Variants in LUZP2 observed in about 807,000 individuals in gnomAD.
The protein encoded by LUZP2 is leucine zipper protein 2.
A neutral mutation model predicts 51.6 loss-of-function variants in LUZP2; 52 were observed. The ratio of observed to expected loss-of-function variants is 1.01; its 90% CI spans 0.81 to 1.27. The LOEUF is 1.27. LUZP2 is among the 50% of genes most tolerant of loss of function. The probability of loss-of-function intolerance (pLI) is 0.00; values close to 1 mark genes in which losing one functional copy is unlikely to be tolerated. For synonymous variants in LUZP2, 154 were observed against 137.3 expected, an observed-to-expected ratio of 1.12 and a Z score of -0.85; for missense variants, 436 against 395.4, an observed-to-expected ratio of 1.10 and a Z score of -0.87.
At chr11:24,695,507 G>T (rs997064868) in intron 1 of LUZP2, among the ~76,000 whole-genome samples, 3 of 151,930 alleles carry the variant, frequency 2.0e-5, no homozygotes, top group African/African-American at 2.4e-5. Flanking sequence ...TCTGAAATAC[G>T]CACTATAATA....
intron 7 of LUZP2, among the ~76,000 whole-genome samples, chr11:24,961,139 C>T (rs982739486): frequency 4.6e-5 from 7 of 152,056 alleles, no homozygotes; most frequent in Non-Finnish European, 8.8e-5. Context: ...TGTTCTTTTA[C>T]ATTTGCTGAG....
chr11:24,537,555 A>G (rs1009717653), intron 1 of LUZP2, among the ~76,000 whole-genome samples: 2 of 151,966 alleles, frequency 1.3e-5, no homozygotes, highest in African/African-American at 4.8e-5. Context: ...TAAAACACAT[A>G]TATATTCAAA....
chr11:24,857,209 C>G (rs1388743178), intron 5 of LUZP2, among the ~76,000 whole-genome samples: 1 of 150,454 alleles, frequency 6.6e-6, no homozygotes, highest in Non-Finnish European at 1.5e-5. Flanking sequence ...TTTTCATATT[C>G]CTTAATTGTT....
intron 5 of LUZP2, among the ~76,000 whole-genome samples, chr11:24,766,536 T>C (rs1235172806): frequency 6.6e-6 from 1 of 152,198 alleles, no homozygotes; most frequent in Non-Finnish European, 1.5e-5. Context: ...CTGGGTAAGA[T>C]GTGAATACAG....
chr11:24,694,191 C>T (rs923764114), intron 1 of LUZP2, among the ~76,000 whole-genome samples: 9 of 152,008 alleles, frequency 5.9e-5, no homozygotes, highest in African/African-American at 2.2e-4. Flanking sequence ...CTCCTACTTG[C>T]CTGTTGCTCA....
chr11:24,602,098 ATG>A (rs1491416569), intron 1 of LUZP2, among the ~76,000 whole-genome samples: 1 of 130,794 alleles, frequency 7.6e-6, no homozygotes, highest in Non-Finnish European at 1.6e-5. Flanking sequence ...ATATGTATAT[ATG>A]TGTATATGTG....
At chr11:24,946,826 G>C (rs1854914072) in intron 7 of LUZP2, among the ~76,000 whole-genome samples, 1 of 151,664 alleles carries the variant, frequency 6.6e-6, no homozygotes, top group Non-Finnish European at 1.5e-5. Flanking sequence ...CTCCAATTTA[G>C]CTATTTTTCA....
chr11:25,017,091 C>T (rs753806740), intron 9 of LUZP2, among the ~76,000 whole-genome samples: 4 of 152,154 alleles, frequency 2.6e-5, no homozygotes, highest in East Asian at 3.9e-4. Context: ...AGTATCTATT[C>T]ATGCCACTTG....
intron 9 of LUZP2, among the ~76,000 whole-genome samples, chr11:24,987,922 ACTC>A (rs1565195010): frequency 6.6e-6 from 1 of 151,830 alleles, no homozygotes; most frequent in Non-Finnish European, 1.5e-5. Context: ...GGGTGTCAAT[ACTC>A]CTGATTCTGA....
chr11:24,725,921 A>T (rs1376491072), intron 1 of LUZP2, among the ~76,000 whole-genome samples: 1 of 152,158 alleles, frequency 6.6e-6, no homozygotes, highest in Non-Finnish European at 1.5e-5. Context: ...GTGGAGAGAC[A>T]TAAGGAGAAG....
At chr11:24,647,809 AT>A (rs1251533342) in intron 1 of LUZP2, among the ~76,000 whole-genome samples, 2 of 151,874 alleles carry the variant, frequency 1.3e-5, no homozygotes, top group African/African-American at 4.8e-5. Context: ...TGTTTTTATT[AT>A]AGCATATTAT....
intron 1 of LUZP2, among the ~76,000 whole-genome samples, chr11:24,525,249 A>G (rs1850763079): frequency 1.3e-5 from 2 of 151,816 alleles, no homozygotes; most frequent in South Asian, 4.1e-4. Context: ...CTAATTGGTT[A>G]AATGCTTCAT....
At chr11:24,961,616 C>T (rs1469200906) in intron 7 of LUZP2, among the ~76,000 whole-genome samples, 1 of 152,034 alleles carries the variant, frequency 6.6e-6, no homozygotes. Flanking sequence ...CTTCCTCCAT[C>T]CTTTTATTTT....
intron 10 of LUZP2, among the ~76,000 whole-genome samples, chr11:25,057,381 G>A (rs1373505137): frequency 2.0e-5 from 3 of 152,054 alleles, no homozygotes; most frequent in African/African-American, 7.2e-5. Flanking sequence ...TTTTAAAGAA[G>A]ACTTAAGAAA....
chr11:24,616,116 T>G (rs922598549), intron 1 of LUZP2, among the ~76,000 whole-genome samples: 10 of 151,982 alleles, frequency 6.6e-5, no homozygotes, highest in African/African-American at 2.4e-4. Flanking sequence ...TACCAGTATA[T>G]AGTTTCACCC....
intron 5 of LUZP2, among the ~76,000 whole-genome samples, chr11:24,863,084 T>G (rs888357036): frequency 5.3e-5 from 8 of 152,178 alleles, no homozygotes; most frequent in Non-Finnish European, 7.3e-5. Flanking sequence ...GAAATAGGAA[T>G]GTTCATTTAT....
chr11:24,803,276 TG>T (rs541268618), intron 5 of LUZP2, among the ~76,000 whole-genome samples: 2 of 152,062 alleles, frequency 1.3e-5, no homozygotes, highest in Non-Finnish European at 2.9e-5. Flanking sequence ...CTTATCATTA[TG>T]GGAATGCAAA....
At position 24,929,289 on chromosome 11, in the gene LUZP2, G is replaced by T. The variant is rs148672183; in HGVS notation, c.522+14751G>T. 4.8e-3 allele frequency among the ~76,000 whole-genome samples: 730 copies of T among 151,956 alleles called. 11 individuals carry two copies. Among genetic ancestry groups the T allele is most frequent in the African/African-American group, 0.017 (694 of 41,454 alleles). Reference sequence around the variant, plus strand: ...AGTTTGATTTGTTCTTGTTTCTCTAGTTCCTTGAGGTGTGACCTTAGATTG... The same window carrying T: ...AGTTTGATTTGTTCTTGTTTCTCTATTTCCTTGAGGTGTGACCTTAGATTG... On this transcript the variant is annotated intron_variant, in intron 7 of 11. Coordinates refer to ENST00000336930, the MANE Select transcript of LUZP2 (RefSeq NM_001009909.4).
chr11:24,714,331 AG>A (rs1243904330), intron 1 of LUZP2, among the ~76,000 whole-genome samples: 24 of 152,228 alleles, frequency 1.6e-4, no homozygotes, highest in African/African-American at 5.5e-4. Context: ...GAAAACAAAA[AG>A]AAAATATGCT....
Sources: allele counts gnomAD v4.1 joint callset (sites outside exome capture counted in the v4.1 genomes callset), GRCh38; gene constraint gnomAD v4.1.1; transcripts MANE v1.5; gene names NCBI Gene and HGNC (gene_info 2026-07-23, HGNC 2026-07-21).